The following SNX30 variants were observed in gnomAD, a reference collection of about 807,000 sequenced individuals.
SNX30 encodes sorting nexin family member 30, also known as sorting nexin-30.
A neutral mutation model predicts 46.4 loss-of-function variants in SNX30; 24 were observed. The ratio of observed to expected loss-of-function variants is 0.52; its 90% CI spans 0.37 to 0.73. The LOEUF (loss-of-function observed/expected upper bound fraction) is 0.73, where lower values mean the gene tolerates loss of function less well. SNX30 is among the 30% of genes least tolerant of loss of function. The pLI is 0.00. For missense variants in SNX30, 533 were observed against 555.7 expected, an observed-to-expected ratio of 0.96 and a Z score of 0.41; for synonymous variants, 189 against 211.5, an observed-to-expected ratio of 0.89 and a Z score of 0.92.
chr9:112,764,681 T>G (rs1839505175), intron 1 of SNX30, among the ~76,000 whole-genome samples: 1 of 152,024 alleles, frequency 6.6e-6, no homozygotes, highest in Non-Finnish European at 1.5e-5. Context: ...GCTGTTGCAG[T>G]GGGAGGTTGG....
At chr9:112,820,901 G>A (rs537293247) in intron 3 of SNX30, among the ~76,000 whole-genome samples, 8 of 152,136 alleles carry the variant, frequency 5.3e-5, no homozygotes, top group African/African-American at 1.9e-4. Flanking sequence ...TCTAGTTTAT[G>A]GATAATACCA....
chr9:112,847,114 G>C (rs1489242562), intron 6 of SNX30, among the ~76,000 whole-genome samples: 1 of 152,144 alleles, frequency 6.6e-6, no homozygotes, highest in Non-Finnish European at 1.5e-5. Context: ...CATAACTATA[G>C]ACCTCTTAAT....
Position 112,750,849 on chromosome 9 carries a change from C to A in SNX30, c.-153C>A. The A allele has an allele frequency of 1.7e-6, 1 of 597,782 alleles. No individual in the cohort carries two copies. The highest frequency in any genetic ancestry group is 2.1e-6 in the Non-Finnish European group (1 of 468,898). 37.0% of individuals were successfully genotyped at this position (597,782 alleles called of 1,614,324 possible). A position where few individuals can be genotyped will look rare whatever the true frequency, so the allele number is the denominator to read the frequency against. On this transcript the variant is annotated 5_prime_UTR_variant, in exon 1 of 9. Coordinates refer to ENST00000374232, the MANE Select transcript of SNX30 (RefSeq NM_001012994.2). ...CGGAGCGTCTGAGCGCCGGCAGAGA[C>A]CAGCCGGCGGGTGGCGGCGGCCCCC...
At chr9:112,806,665 A>G (rs1403602086) in intron 2 of SNX30, among the ~76,000 whole-genome samples, 1 of 152,192 alleles carries the variant, frequency 6.6e-6, no homozygotes, top group African/African-American at 2.4e-5. Context: ...ATATTTGTAA[A>G]AAAATAAAAG....
intron 1 of SNX30, among the ~76,000 whole-genome samples, chr9:112,762,303 C>T (rs1380386969): frequency 1.3e-5 from 2 of 151,888 alleles, no homozygotes; most frequent in South Asian, 2.1e-4. Context: ...GGCACAGAGG[C>T]GGGAAGAGCA....
chr9:112,806,530 GA>G (rs960221211), intron 2 of SNX30, among the ~76,000 whole-genome samples: 1 of 151,870 alleles, frequency 6.6e-6, no homozygotes, highest in Non-Finnish European at 1.5e-5. Flanking sequence ...TTTCATTGTA[GA>G]AAAAAATCAT....
chr9:112,812,869 G>A (rs886627306), intron 2 of SNX30, among the ~76,000 whole-genome samples: 2 of 152,122 alleles, frequency 1.3e-5, no homozygotes, highest in East Asian at 1.9e-4. Context: ...ACAACAGGCC[G>A]GGCATGGTGC....
intron 7 of SNX30, among the ~76,000 whole-genome samples, chr9:112,854,494 G>A (rs547908667): frequency 2.0e-4 from 30 of 152,312 alleles, no homozygotes; most frequent in African/African-American, 6.7e-4. Context: ...ACACATCTGC[G>A]ATCTCTTAGC....
chr9:112,765,102 A>G (rs182614253), intron 1 of SNX30, among the ~76,000 whole-genome samples: 14 of 152,312 alleles, frequency 9.2e-5, no homozygotes, highest in Admixed American at 8.5e-4. Context: ...GGAAGTCCCA[A>G]TTCCAGCTAC....
intron 1 of SNX30, among the ~76,000 whole-genome samples, chr9:112,764,911 G>A (rs1033968229): frequency 6.6e-6 from 1 of 152,180 alleles, no homozygotes; most frequent in Non-Finnish European, 1.5e-5. Flanking sequence ...CGCAGGGGGA[G>A]TTGTGGCAGC....
chr9:112,793,803 T>C (rs1478031388), intron 1 of SNX30, among the ~76,000 whole-genome samples: 1 of 145,544 alleles, frequency 6.9e-6, no homozygotes, highest in East Asian at 2.0e-4. Flanking sequence ...CACTGTTTTT[T>C]GTTTTTTTTT....
intron 1 of SNX30, among the ~76,000 whole-genome samples, chr9:112,778,651 T>TG (rs945496857): frequency 7.9e-5 from 12 of 152,194 alleles, no homozygotes; most frequent in African/African-American, 2.4e-4. Flanking sequence ...CATCTCTTGA[T>TG]GGGGAAGTGG....
At chr9:112,864,429 C>A (rs1463498275) in intron 8 of SNX30, 30 bp downstream of exon 8, 3 of 1,613,390 alleles carry the variant, frequency 1.9e-6, no homozygotes, top group Admixed American at 3.3e-5. Context: ...AGACTGGTTT[C>A]TAATGGCCAG....
At chr9:112,828,921 G>A (rs1001833796) in intron 3 of SNX30, among the ~76,000 whole-genome samples, 11 of 151,816 alleles carry the variant, frequency 7.2e-5, no homozygotes, top group African/African-American at 2.7e-4. Flanking sequence ...CATTTCCCCC[G>A]ATCTCTCCAG....
At chr9:112,804,038 G>A (rs1184740646) in intron 1 of SNX30, among the ~76,000 whole-genome samples, 2 of 145,764 alleles carry the variant, frequency 1.4e-5, no homozygotes, top group Admixed American at 6.9e-5. Flanking sequence ...CCACTGTCTG[G>A]CACTCCCTAG....
At chr9:112,862,953 G>A (rs975514802) in intron 7 of SNX30, among the ~76,000 whole-genome samples, 1 of 151,980 alleles carries the variant, frequency 6.6e-6, no homozygotes, top group Admixed American at 6.6e-5. Context: ...TAAATTTCCA[G>A]AGTGTCTAGT....
chr9:112,794,791 C>A (rs1016364189), intron 1 of SNX30, among the ~76,000 whole-genome samples: 2 of 152,076 alleles, frequency 1.3e-5, no homozygotes, highest in African/African-American at 4.8e-5. Context: ...GGCTGGCTGA[C>A]CATAATGGTG....
intron 7 of SNX30, among the ~76,000 whole-genome samples, chr9:112,856,353 A>C (rs1841127567): frequency 8.0e-6 from 1 of 125,206 alleles, no homozygotes; most frequent in East Asian, 2.5e-4. Flanking sequence ...TGGTGTGTGT[A>C]TGGGGAGGGC....
At chr9:112,851,046 C>A in intron 7 of SNX30, 101 bp downstream of exon 7, 2 of 796,266 alleles carry the variant, frequency 2.5e-6, no homozygotes, top group Non-Finnish European at 2.1e-6. Context: ...GTGGTCAGTG[C>A]CGGCTGGGCT....
Sources: allele counts gnomAD v4.1 joint callset (sites outside exome capture counted in the v4.1 genomes callset), GRCh38; gene constraint gnomAD v4.1.1; transcripts MANE v1.5; gene names NCBI Gene and HGNC (gene_info 2026-07-23, HGNC 2026-07-21).